Variants in SWT1 observed in about 807,000 individuals in gnomAD.
The protein encoded by SWT1 is transcriptional protein SWT1.
A neutral mutation model predicts 107.3 loss-of-function variants in SWT1; 33 were observed. That is an observed-to-expected ratio of 0.31 (90% CI 0.23 to 0.41). The LOEUF (loss-of-function observed/expected upper bound fraction) is 0.41. Among genes scored for constraint, SWT1 ranks in the 10% least tolerant of loss-of-function variants. SWT1 has a pLI of 1.00. For synonymous variants in SWT1, 345 were observed against 348.3 expected (o/e 0.99, Z 0.11); for missense variants, 898 against 1,028.9 (o/e 0.87, Z 1.74).
At position 185,174,580 on chromosome 1, in the gene SWT1, G is replaced by T; in HGVS notation, c.433G>T (p.Asp145Tyr). The T allele has an allele frequency of 6.2e-7, 1 of 1,608,264 alleles. No individual in the cohort carries two copies. The highest frequency in any genetic ancestry group is 1.1e-5 in the South Asian group (1 of 89,424). The part of the protein sequence containing the change: ...IKLTNAGSKL[D>Y]HGIKSLSSPK... ...ATTGACAAATGCTGGGAGCAAGCTTGACCATGGAATTAAAAGCCTTAGTAG... is the reference window on the plus strand; with the variant it reads ...ATTGACAAATGCTGGGAGCAAGCTTTACCATGGAATTAAAAGCCTTAGTAG... The change falls in exon 5 of 19, where the codon GAC becomes TAC. Residue 145 changes from aspartate (D) to tyrosine (Y), a missense_variant. Physicochemically the swap from Asp to Tyr is radical, Grantham distance 160. Around this residue, in one of 6 missense-constraint regions of SWT1, gnomAD observed 382 missense variants for 362.4 expected, o/e 1.05. Transcript: ENST00000367500.
intron 16 of SWT1, among the ~76,000 whole-genome samples, chr1:185,252,478 C>T (rs920831627): frequency 3.3e-5 from 5 of 152,236 alleles, no homozygotes; most frequent in African/African-American, 1.2e-4. Flanking sequence ...GCCATTCTAA[C>T]TGGTGTGAGA....
At chr1:185,266,818 G>A (rs1663434328) in intron 16 of SWT1, among the ~76,000 whole-genome samples, 1 of 152,220 alleles carries the variant, frequency 6.6e-6, no homozygotes, top group Non-Finnish European at 1.5e-5. Context: ...AGGGCCGCTA[G>A]TGAGTGTCAG....
chr1:185,244,750 A>G (rs1245253671), intron 16 of SWT1, among the ~76,000 whole-genome samples: 2 of 152,182 alleles, frequency 1.3e-5, no homozygotes, highest in Non-Finnish European at 2.9e-5. Context: ...TGATTTTTTA[A>G]TACTTTTTGA....
In SWT1 at chr1:185,290,721, C is replaced by T. The variant is rs1397033090; in HGVS notation, c.2621C>T (p.Thr874Ile). The T allele has an allele frequency of 1.2e-6, 2 of 1,606,616 alleles. No individual in the cohort carries two copies. The highest frequency in any genetic ancestry group is 1.3e-5 in the African/African-American group (1 of 74,706). ...GCRQLVEMEY[T>I]MQQCNASVYM... Reference sequence around the variant, plus strand: ...CGCCAGCTGGTTGAGATGGAATATACCATGCAGCAGTGCAATGCATCTGTT... The same window carrying T: ...CGCCAGCTGGTTGAGATGGAATATATCATGCAGCAGTGCAATGCATCTGTT... Residue 874 changes from threonine (T) to isoleucine (I), a missense_variant, in exon 19 of 19, where the codon ACC (threonine) becomes ATC (isoleucine). This residue lies in a region of SWT1 where 382 missense variants were observed against 460.0 expected (regional missense o/e 0.83). Transcript: ENST00000367500.
chr1:185,268,772 T>C (rs1283692230), intron 16 of SWT1, among the ~76,000 whole-genome samples: 2 of 152,118 alleles, frequency 1.3e-5, no homozygotes, highest in Non-Finnish European at 2.9e-5. Context: ...TTATGGACAG[T>C]TCAGATTATT....
chr1:185,158,088 C>A (rs1388334405), intron 1 of SWT1, among the ~76,000 whole-genome samples: 3 of 152,186 alleles, frequency 2.0e-5, no homozygotes, highest in African/African-American at 7.2e-5. Flanking sequence ...AAGAACAAGA[C>A]GCGCGCTTCC....
intron 15 of SWT1, chr1:185,227,643 AT>A: frequency 1.7e-6 from 1 of 592,300 alleles, no homozygotes; most frequent in Non-Finnish European, 3.0e-6. Flanking sequence ...CGTCTTCTAC[AT>A]TTCACTTGGT....
chr1:185,257,532 T>C (rs1457926733), intron 16 of SWT1, among the ~76,000 whole-genome samples: 1 of 152,080 alleles, frequency 6.6e-6, no homozygotes, highest in Non-Finnish European at 1.5e-5. Flanking sequence ...CGGGTGGGAG[T>C]GACCCGATTT....
intron 7 of SWT1, 58 bp downstream of exon 7, chr1:185,182,115 C>T: frequency 2.0e-6 from 3 of 1,498,822 alleles, no homozygotes; most frequent in Admixed American, 1.9e-5. Flanking sequence ...ATTAATGTGC[C>T]AATATTCAAT....
At chr1:185,181,143 A>T (rs1007137332) in intron 6 of SWT1, among the ~76,000 whole-genome samples, 2 of 152,078 alleles carry the variant, frequency 1.3e-5, no homozygotes, top group Non-Finnish European at 2.9e-5. Flanking sequence ...TGGTACATGC[A>T]TGTAATCCCA....
chr1:185,283,047 G>A (rs1436932184), intron 18 of SWT1, among the ~76,000 whole-genome samples: 2 of 152,090 alleles, frequency 1.3e-5, no homozygotes, highest in African/African-American at 2.4e-5. Context: ...AGATGAAGAG[G>A]AGATACATAG....
intron 1 of SWT1, among the ~76,000 whole-genome samples, chr1:185,158,582 A>T (rs1256477942): frequency 6.6e-6 from 1 of 151,096 alleles, no homozygotes. Flanking sequence ...TGAAAGCTAG[A>T]TTCAGTATGT....
At chr1:185,182,323 T>C (rs1267612707) in intron 7 of SWT1, among the ~76,000 whole-genome samples, 1 of 152,226 alleles carries the variant, frequency 6.6e-6, no homozygotes, top group Non-Finnish European at 1.5e-5. Context: ...TTGTCTTTTA[T>C]TCTTGCTGTT....
intron 15 of SWT1, among the ~76,000 whole-genome samples, chr1:185,224,222 C>T (rs897518367): frequency 6.6e-6 from 1 of 152,056 alleles, no homozygotes; most frequent in Non-Finnish European, 1.5e-5. Flanking sequence ...TCTTGGTACC[C>T]ATGTCCAAAA....
At chr1:185,234,373 C>T (rs761187632) in intron 16 of SWT1, among the ~76,000 whole-genome samples, 13 of 152,114 alleles carry the variant, frequency 8.5e-5, no homozygotes, top group Non-Finnish European at 1.5e-4. Flanking sequence ...TATGTAATGC[C>T]TTTGTCTCTT....
At chr1:185,176,122 C>T (rs1045992473) in intron 5 of SWT1, among the ~76,000 whole-genome samples, 5 of 151,386 alleles carry the variant, frequency 3.3e-5, no homozygotes, top group African/African-American at 9.7e-5. Context: ...AGACGGGTCT[C>T]AACAAAAACA....
rs16823834 is a variant in SWT1 at position 185,207,469 on chromosome 1, A to G, written c.1972+706A>G. Among the ~76,000 whole-genome samples, 87 of 152,366 alleles carry G rather than the reference A, an allele frequency of 5.7e-4. 2 individuals carry two copies. In the East Asian group the frequency reaches 0.015, roughly 27 times the overall value. ...TGGAGATTCTATATAGGACTTGGAA[A>G]AAAGTTTATCTGCTGTGAGGAAAAA... On this transcript the variant is annotated intron_variant, in intron 13 of 18. Coordinates refer to ENST00000367500, the MANE Select transcript of SWT1 (RefSeq NM_017673.7).
chr1:185,239,418 G>T (rs1440071300), intron 16 of SWT1, among the ~76,000 whole-genome samples: 1 of 152,030 alleles, frequency 6.6e-6, no homozygotes, highest in African/African-American at 2.4e-5. Context: ...CATGATTGTG[G>T]TTAAGATTGA....
chr1:185,174,917 C>T lies in SWT1; in HGVS notation c.770C>T (p.Ser257Phe). Residue 257 changes from serine (S) to phenylalanine (F), a missense_variant, in exon 5 of 19, where the codon TCT becomes TTT. Around this residue, in one of 6 missense-constraint regions of SWT1, gnomAD observed 382 missense variants for 362.4 expected, o/e 1.05. Coordinates refer to ENST00000367500, the MANE Select transcript of SWT1 (RefSeq NM_017673.7). ...GAAGAAAATGTCTTCAACATAGATT[C>T]TAATAATTCGAAGACTAAGCAGGAA... ...LVEENVFNID[S>F]NNSKTKQEER... 1.9e-6 allele frequency: 3 copies of T among 1,613,878 alleles called. No homozygotes were observed. The highest frequency in any genetic ancestry group is 2.5e-6 in the Non-Finnish European group (3 of 1,179,958).
Sources: allele counts gnomAD v4.1 joint callset (sites outside exome capture counted in the v4.1 genomes callset), GRCh38; gene constraint gnomAD v4.1.1; regional missense constraint gnomAD v4.1.1; transcripts MANE v1.5; gene names NCBI Gene and HGNC (gene_info 2026-07-23, HGNC 2026-07-21).